RPA3: variants seen among roughly 807,000 people sequenced by gnomAD.
The protein encoded by RPA3 is replication protein A3, also known as replication protein A 14 kDa subunit.
In RPA3, 24 loss-of-function variants were observed where a neutral mutation model predicts 13.7. That is an observed-to-expected ratio of 1.75 (90% confidence interval 1.27 to 2.46). RPA3 has a LOEUF of 2.46. Among genes scored for constraint, RPA3 ranks in the 30% most tolerant of loss-of-function variants. The pLI, the probability that RPA3 is intolerant of heterozygous loss-of-function variation, is 0.00. For synonymous variants in RPA3, 59 were observed against 51.2 expected, an observed-to-expected ratio of 1.15 and a Z score of -0.65; for missense variants, 183 against 151.0, an observed-to-expected ratio of 1.21 and a Z score of -1.11.
intron 4 of RPA3, among the ~76,000 whole-genome samples, chr7:7,678,407 T>C (rs1779803603): frequency 6.9e-6 from 1 of 145,274 alleles, no homozygotes; most frequent in African/African-American, 2.5e-5. Context: ...TATTCAGATA[T>C]ATAAAAAAAT....
intron 4 of RPA3, among the ~76,000 whole-genome samples, chr7:7,643,681 C>T (rs1305429178): frequency 6.7e-6 from 1 of 149,254 alleles, no homozygotes; most frequent in African/African-American, 2.5e-5. Flanking sequence ...CACTTCACTC[C>T]AACCTGGGCC....
At chr7:7,717,073 T>C (rs77078112) in intron 1 of RPA3, among the ~76,000 whole-genome samples, 1 of 151,338 alleles carries the variant, frequency 6.6e-6, no homozygotes, top group African/African-American at 2.4e-5. Flanking sequence ...TTTTTTTTTT[T>C]TGAGACGGAG....
intron 4 of RPA3, among the ~76,000 whole-genome samples, chr7:7,660,938 C>A (rs1164863618): frequency 4.6e-5 from 7 of 152,170 alleles, no homozygotes; most frequent in Admixed American, 4.6e-4. Context: ...TCGGGTACGC[C>A]AATCAAATGT....
chr7:7,682,758 A>ACT (rs999715343), intron 4 of RPA3, among the ~76,000 whole-genome samples: 6 of 152,082 alleles, frequency 3.9e-5, no homozygotes, highest in African/African-American at 1.4e-4. Context: ...ATCCAGAAAA[A>ACT]CTCGATTTAC....
At chr7:7,666,128 A>T (rs899305617) in intron 4 of RPA3, among the ~76,000 whole-genome samples, 3 of 152,190 alleles carry the variant, frequency 2.0e-5, no homozygotes, top group African/African-American at 7.2e-5. Context: ...CCACAAGTGT[A>T]CAAGAGTTCC....
At position 7,641,187 on chromosome 7, in the gene RPA3, G is replaced by T. The variant is rs939749375; in HGVS notation, c.-757-12C>A. The T allele has an allele frequency of 1.3e-5, 2 of 152,250 alleles. No homozygotes were observed. Among genetic ancestry groups the T allele is most frequent in the African/African-American group, 4.8e-5 (2 of 41,448 alleles). 9.4% of individuals were successfully genotyped at this position (152,250 alleles called of 1,614,324 possible). ...TCCACTTTCTCCACCTGTAAGAAGA[G>T]AGATTGATCCGATTACTTCTAAGAC... is the stretch of plus-strand genomic sequence containing the variant. On this transcript the variant is annotated splice_polypyrimidine_tract_variant and intron_variant, in intron 4 of 7. Coordinates refer to ENST00000223129, the MANE Select transcript of RPA3 (RefSeq NM_002947.5).
chr7:7,713,794 C>G lies in RPA3; in HGVS notation c.-1028+1381G>C, dbSNP rs28912686. On this transcript the variant is annotated intron_variant, in intron 2 of 7. Transcript: ENST00000223129. Reference sequence around the variant, plus strand: ...AATTTTAATTTGTATTATTTCCATTCGTTTGTCATTTTGCACATTTTTCTC... The same window carrying G: ...AATTTTAATTTGTATTATTTCCATTGGTTTGTCATTTTGCACATTTTTCTC... Among the ~76,000 whole-genome samples, 6 of 152,100 alleles carry G rather than the reference C, an allele frequency of 3.9e-5. No homozygotes were observed. The South Asian group carries it at 8.3e-4, about 21-fold the overall frequency.
At chr7:7,696,199 G>T (rs779215498) in intron 2 of RPA3, among the ~76,000 whole-genome samples, 1 of 150,512 alleles carries the variant, frequency 6.6e-6, no homozygotes, top group South Asian at 2.1e-4. Flanking sequence ...AGAGATGGGG[G>T]TTTTGCCATG....
chr7:7,694,532 C>A (rs866241746), intron 2 of RPA3, among the ~76,000 whole-genome samples: 2 of 152,010 alleles, frequency 1.3e-5, no homozygotes, highest in Non-Finnish European at 2.9e-5. Flanking sequence ...CCACCCCACC[C>A]CCACCACTGT....
At chr7:7,693,331 C>CTATCTATCTATA in intron 2 of RPA3, among the ~76,000 whole-genome samples, 1 of 151,318 alleles carries the variant, frequency 6.6e-6, no homozygotes, top group Non-Finnish European at 1.5e-5. Context: ...ATCTATCTAT[C>CTATCTATCTATA]TATCTACATT....
At chr7:7,652,242 A>G (rs963128727) in intron 4 of RPA3, among the ~76,000 whole-genome samples, 3 of 152,150 alleles carry the variant, frequency 2.0e-5, no homozygotes, top group Admixed American at 2.0e-4. Context: ...CATTCCTTTG[A>G]TAGGATTTCC....
Position 7,639,053 on chromosome 7 carries a change from T to C in RPA3, c.174+17A>G. 6.3e-7 allele frequency: 1 copy of C among 1,582,980 alleles called. No homozygotes were observed. The highest frequency in any genetic ancestry group is 8.6e-7 in the Non-Finnish European group (1 of 1,161,974). ...TTAACTATAATATATAAGAGACTTA[T>C]TAACACTTAAACATACGGGTTCCAT... On this transcript the variant is annotated intron_variant, in intron 6 of 7. Transcript: ENST00000223129.
chr7:7,675,072 C>T (rs552305243), intron 4 of RPA3, among the ~76,000 whole-genome samples: 41 of 151,804 alleles, frequency 2.7e-4, no homozygotes, highest in African/African-American at 9.2e-4. Context: ...GCCATGTTGC[C>T]CAGGTTGGTC....
chr7:7,652,154 G>A (rs1386343387), intron 4 of RPA3, among the ~76,000 whole-genome samples: 1 of 152,158 alleles, frequency 6.6e-6, no homozygotes, highest in East Asian at 1.9e-4. Flanking sequence ...AGTGGGGATG[G>A]ACAAAGTATT....
In RPA3 at chr7:7,639,867, C is replaced by G. The variant is rs75606697; in HGVS notation, c.99+453G>C. The G allele has an allele frequency of 4.9e-3, 921 of 189,412 alleles. 11 individuals are homozygous for G. The highest frequency in any genetic ancestry group is 0.021 in the African/African-American group (877 of 41,738). 11.7% of individuals were successfully genotyped at this position (189,412 alleles called of 1,614,324 possible). A position where few individuals can be genotyped will look rare whatever the true frequency, so the allele number is the denominator to read the frequency against. The stretch of plus-strand genomic sequence containing the variant: ...AATACTGGGGTTAAATAACTCGTTA[C>G]TACGGGACCCAAAGCGGACAACCAA... On this transcript the variant is annotated intron_variant, in intron 5 of 7. Transcript: ENST00000223129.
At position 7,675,570 on chromosome 7, in the gene RPA3, C is replaced by G. The variant is rs144154642; in HGVS notation, c.-758+10260G>C. ...AAGAAGTAGTCTTTCTTTAACTGAG[C>G]CTCAGAAGGCACACAAACTTCCAAA... On this transcript the variant is annotated intron_variant, in intron 4 of 7. Coordinates refer to ENST00000223129, the MANE Select transcript of RPA3 (RefSeq NM_002947.5). Among the ~76,000 whole-genome samples the G allele has an allele frequency of 3.6e-4, 55 of 152,282 alleles. 1 individual carries two copies. The East Asian group carries it at 9.4e-3, about 26-fold the overall frequency.
intron 4 of RPA3, among the ~76,000 whole-genome samples, chr7:7,672,602 G>T (rs1346685490): frequency 6.6e-6 from 1 of 152,190 alleles, no homozygotes; most frequent in Admixed American, 6.5e-5. Flanking sequence ...TCTCGTGATA[G>T]TGAGTGAGTT....
intron 4 of RPA3, among the ~76,000 whole-genome samples, chr7:7,643,693 C>T: frequency 6.7e-6 from 1 of 148,432 alleles, no homozygotes; most frequent in East Asian, 2.0e-4. Context: ...ACCTGGGCCA[C>T]AGAGCGAGAC....
chr7:7,664,856 T>A (rs1224459347), intron 4 of RPA3, among the ~76,000 whole-genome samples: 1 of 152,338 alleles, frequency 6.6e-6, no homozygotes, highest in East Asian at 1.9e-4. Flanking sequence ...AGTAAACTTG[T>A]TGTCTAAATT....
Sources: allele counts gnomAD v4.1 joint callset (sites outside exome capture counted in the v4.1 genomes callset), GRCh38; gene constraint gnomAD v4.1.1; transcripts MANE v1.5; gene names NCBI Gene and HGNC (gene_info 2026-07-23, HGNC 2026-07-21).